The following KCNIP4 variants were observed in gnomAD, a reference collection of about 807,000 sequenced individuals.
KCNIP4 encodes the protein potassium voltage-gated channel interacting protein 4.
KCNIP4 carries 12 observed loss-of-function variants against 34.0 expected under a neutral mutation model. That is an observed-to-expected ratio of 0.35 (90% CI 0.23 to 0.57). KCNIP4 has a LOEUF of 0.57. Among genes scored for constraint, KCNIP4 ranks in the 20% least tolerant of loss-of-function variants. The pLI, the probability that KCNIP4 is intolerant of heterozygous loss-of-function variation, is 0.83. For missense variants in KCNIP4, 238 were observed against 311.7 expected (o/e 0.76, Z 1.78); for synonymous variants, 124 against 102.2 (o/e 1.21, Z -1.29).
Position 20,786,004 on chromosome 4 carries a change from T to A in KCNIP4, c.289-27114A>T, listed in dbSNP as rs371996714. Reference sequence around the variant, plus strand: ...CTAAAAAGACACATGCACTCATACGTTTATCACAGCACTATTCACAATAGC... The same window carrying A: ...CTAAAAAGACACATGCACTCATACGATTATCACAGCACTATTCACAATAGC... On this transcript the variant is annotated intron_variant, in intron 3 of 8. Coordinates refer to ENST00000382152, the MANE Select transcript of KCNIP4 (RefSeq NM_025221.6). Among the ~76,000 whole-genome samples the A allele has an allele frequency of 4.6e-5, 7 of 152,204 alleles. 1 individual carries two copies. In the South Asian group the frequency reaches 1.0e-3, roughly 23 times the overall value.
intron 1 of KCNIP4, among the ~76,000 whole-genome samples, chr4:21,753,962 G>T (rs1295290292): frequency 6.6e-6 from 1 of 152,088 alleles, no homozygotes; most frequent in Non-Finnish European, 1.5e-5. Flanking sequence ...GACTCCAAGA[G>T]CTACAGCTTA....
At chr4:21,883,576 A>T (rs1476264403) in intron 1 of KCNIP4, among the ~76,000 whole-genome samples, 1 of 152,158 alleles carries the variant, frequency 6.6e-6, no homozygotes, top group East Asian at 1.9e-4. Flanking sequence ...GTTCTGTTTG[A>T]TCTAAAAGCA....
intron 1 of KCNIP4, among the ~76,000 whole-genome samples, chr4:20,927,599 T>C (rs1382398025): frequency 1.3e-5 from 2 of 152,210 alleles, no homozygotes; most frequent in Admixed American, 6.5e-5. Flanking sequence ...TCAACATTAA[T>C]CCTTTCCTGG....
In KCNIP4 at chr4:21,034,324, A is replaced by C. The variant is rs554549957; in HGVS notation, c.62-151615T>G. Among the ~76,000 whole-genome samples the C allele has an allele frequency of 4.5e-4, 69 of 152,334 alleles. 1 individual carries two copies. The highest frequency in any genetic ancestry group is 2.1e-3 in the Admixed American group (32 of 15,296). On this transcript the variant is annotated intron_variant, in intron 1 of 8. Transcript: ENST00000382152. ...TGTTTACAGATCAGTATTGAAAACA[A>C]ATCAGCCTGGAGGGTTTAGCTGTAT...
At chr4:21,078,123 A>G in intron 1 of KCNIP4, among the ~76,000 whole-genome samples, 1 of 152,088 alleles carries the variant, frequency 6.6e-6, no homozygotes. Flanking sequence ...GAATTTGAGT[A>G]AAATGATGAC....
intron 1 of KCNIP4, among the ~76,000 whole-genome samples, chr4:20,907,195 A>T (rs979187602): frequency 2.0e-5 from 3 of 152,230 alleles, no homozygotes; most frequent in Admixed American, 2.0e-4. Context: ...GTTTATGATA[A>T]TGGAAACTGA....
At chr4:21,946,371 A>G (rs1285175918) in intron 1 of KCNIP4, among the ~76,000 whole-genome samples, 1 of 152,182 alleles carries the variant, frequency 6.6e-6, no homozygotes, top group Non-Finnish European at 1.5e-5. Flanking sequence ...TCAAGGAAAA[A>G]CTGTATCATA....
intron 3 of KCNIP4, among the ~76,000 whole-genome samples, chr4:20,803,909 A>G (rs1050817414): frequency 2.6e-5 from 4 of 152,192 alleles, no homozygotes; most frequent in Non-Finnish European, 5.9e-5. Flanking sequence ...TCTGATGTTG[A>G]GTCTGCCATT....
At chr4:21,434,668 G>C (rs192368029) in intron 1 of KCNIP4, among the ~76,000 whole-genome samples, 2 of 151,966 alleles carry the variant, frequency 1.3e-5, no homozygotes, top group East Asian at 3.9e-4. Context: ...GTGCCATGCC[G>C]GGGATCTATG....
intron 1 of KCNIP4, among the ~76,000 whole-genome samples, chr4:21,904,318 G>A (rs949014614): frequency 2.0e-5 from 3 of 152,088 alleles, no homozygotes; most frequent in African/African-American, 7.2e-5. Context: ...TTATATGCTT[G>A]AATAAGTAAG....
At chr4:21,179,229 T>C (rs1242136281) in intron 1 of KCNIP4, among the ~76,000 whole-genome samples, 1 of 152,236 alleles carries the variant, frequency 6.6e-6, no homozygotes, top group African/African-American at 2.4e-5. Flanking sequence ...TCATTTGACC[T>C]TCATCCAGAC....
chr4:21,670,669 C>G (rs12645508), intron 1 of KCNIP4, among the ~76,000 whole-genome samples: 1 of 151,848 alleles, frequency 6.6e-6, no homozygotes, highest in Non-Finnish European at 1.5e-5. Context: ...TAAACCTTTT[C>G]TTTTGAGATG....
At chr4:21,574,038 C>G (rs563260513) in intron 1 of KCNIP4, among the ~76,000 whole-genome samples, 1 of 152,180 alleles carries the variant, frequency 6.6e-6, no homozygotes, top group East Asian at 1.9e-4. Flanking sequence ...GTGGAGCACT[C>G]TCCCAACTCA....
intron 1 of KCNIP4, among the ~76,000 whole-genome samples, chr4:21,159,741 C>T (rs1753435930): frequency 2.5e-4 from 1 of 4,034 alleles, no homozygotes; most frequent in Non-Finnish European, 5.0e-4. Context: ...ACACCTGGCT[C>T]GGAGGGTCCT....
chr4:21,786,073 C>T (rs1441747758), intron 1 of KCNIP4, among the ~76,000 whole-genome samples: 3 of 152,164 alleles, frequency 2.0e-5, no homozygotes, highest in Non-Finnish European at 2.9e-5. Flanking sequence ...CTCAGCCACC[C>T]GTGTAGCTGG....
At chr4:21,851,167 C>T (rs1203281842) in intron 1 of KCNIP4, 2 of 151,940 alleles carry the variant, frequency 1.3e-5, no homozygotes, top group Non-Finnish European at 2.9e-5. Context: ...GAGCCACAGG[C>T]ATTAGTGCAG....
At chr4:21,362,858 C>G (rs557568385) in intron 1 of KCNIP4, among the ~76,000 whole-genome samples, 1 of 152,100 alleles carries the variant, frequency 6.6e-6, no homozygotes, top group Non-Finnish European at 1.5e-5. Flanking sequence ...TTCCTGTCTA[C>G]AGAACACAAC....
chr4:21,195,199 G>A lies in KCNIP4; in HGVS notation c.62-312490C>T, dbSNP rs1475908731. Among the ~76,000 whole-genome samples, 3 of 152,166 alleles carry A rather than the reference G, an allele frequency of 2.0e-5. No individual in the cohort carries two copies. In the South Asian group the frequency reaches 6.2e-4, roughly 31 times the overall value. On this transcript the variant is annotated intron_variant, in intron 1 of 8. Transcript: ENST00000382152. Reference sequence around the variant, plus strand: ...AGATGCCAGTCACTTCAGGAGCTGTGGGCATCACCCAGGAGGCCAGGGCAG... The same window carrying A: ...AGATGCCAGTCACTTCAGGAGCTGTAGGCATCACCCAGGAGGCCAGGGCAG...
intron 1 of KCNIP4, among the ~76,000 whole-genome samples, chr4:21,453,049 C>G (rs1175654853): frequency 2.0e-5 from 3 of 151,968 alleles, no homozygotes; most frequent in South Asian, 4.1e-4. Flanking sequence ...TTTCTAATTC[C>G]TTATGGCCAG....
Sources: allele counts gnomAD v4.1 joint callset (sites outside exome capture counted in the v4.1 genomes callset), GRCh38; gene constraint gnomAD v4.1.1; transcripts MANE v1.5; gene names NCBI Gene and HGNC (gene_info 2026-07-23, HGNC 2026-07-21).